The following GDPD4 variants were observed in gnomAD, a reference collection of about 807,000 sequenced individuals.
GDPD4 encodes glycerophosphodiester phosphodiesterase domain containing 4, also known as glycerophosphodiester phosphodiesterase 6.
A neutral mutation model predicts 67.8 loss-of-function variants in GDPD4; 60 were observed. That is an observed-to-expected ratio of 0.88 (90% CI 0.72 to 1.10). The LOEUF (loss-of-function observed/expected upper bound fraction) is 1.10. Ranked by LOEUF, GDPD4 falls within the 50% of genes least tolerant of loss-of-function variation. The pLI is 0.00. For synonymous variants in GDPD4, 212 were observed against 210.9 expected (o/e 1.00, Z -0.04); for missense variants, 623 against 613.9 (o/e 1.01, Z -0.16).
chr11:77,269,689 C>T (rs553213630), intron 8 of GDPD4, among the ~76,000 whole-genome samples, 194 bp downstream of exon 8: 1 of 151,596 alleles, frequency 6.6e-6, no homozygotes, highest in African/African-American at 2.4e-5. Flanking sequence ...TTTGCTTCCC[C>T]CTCTTTCCTT....
At position 77,216,570 on chromosome 11, in the gene GDPD4, T is replaced by G. The variant is rs1958124393; in HGVS notation, c.*707A>C. 3.9e-6 allele frequency: 1 copy of G among 257,342 alleles called. No homozygotes were observed. The highest frequency in any genetic ancestry group is 2.2e-5 in the African/African-American group (1 of 45,032). 15.9% of individuals were successfully genotyped at this position (257,342 alleles called of 1,614,324 possible). On this transcript the variant is annotated 3_prime_UTR_variant, in exon 17 of 17. Transcript: ENST00000315938. ...CACTACCTCTGGCTTCCTGAGAGGT[T>G]GCCTTTACTTATATGCACAGTCACT...
chr11:77,289,017 A>AGGAGG (rs907192762), intron 1 of GDPD4, among the ~76,000 whole-genome samples: 7 of 147,254 alleles, frequency 4.8e-5, no homozygotes, highest in African/African-American at 7.4e-5. Flanking sequence ...AAGAAACAGA[A>AGGAGG]GGAGGGGAGG....
At chr11:77,224,757 T>C (rs1459734479) in intron 16 of GDPD4, among the ~76,000 whole-genome samples, 2 of 152,166 alleles carry the variant, frequency 1.3e-5, no homozygotes, top group Non-Finnish European at 2.9e-5. Context: ...AATACATTTG[T>C]ATAGTGTTAA....
intron 1 of GDPD4, among the ~76,000 whole-genome samples, chr11:77,292,594 GAAT>G (rs1416205545): frequency 6.6e-6 from 1 of 151,728 alleles, no homozygotes; most frequent in Non-Finnish European, 1.5e-5. Flanking sequence ...AGAAGATTAG[GAAT>G]AATAACAATG....
intron 10 of GDPD4, among the ~76,000 whole-genome samples, chr11:77,264,476 A>G (rs1011754292): frequency 6.6e-6 from 1 of 152,156 alleles, no homozygotes; most frequent in African/African-American, 2.4e-5. Context: ...CCAGCAAAAG[A>G]AGTCACATAG....
intron 8 of GDPD4, among the ~76,000 whole-genome samples, 186 bp downstream of exon 8, chr11:77,269,693 TTTCC>T (rs1959196950): frequency 6.6e-6 from 1 of 152,172 alleles, no homozygotes; most frequent in Admixed American, 6.5e-5. Flanking sequence ...CTTCCCCCTC[TTTCC>T]TTCCCTCCCT....
chr11:77,224,693 T>TTGA (rs2135821723), intron 16 of GDPD4, among the ~76,000 whole-genome samples: 1 of 152,284 alleles, frequency 6.6e-6, no homozygotes. Context: ...GTAGCCCCAA[T>TTGA]TGATACCCTG....
intron 13 of GDPD4, among the ~76,000 whole-genome samples, chr11:77,233,415 GAAT>G (rs1958491293): frequency 3.0e-5 from 1 of 33,146 alleles, no homozygotes; most frequent in Admixed American, 4.2e-4. Flanking sequence ...GTCCTAAGGA[GAAT>G]AATAAAAAGG....
At chr11:77,295,566 G>C (rs4433591) in intron 1 of GDPD4, among the ~76,000 whole-genome samples, 52,348 of 151,800 alleles carry the variant, frequency 0.34, 9,294 homozygotes, top group Admixed American at 0.46. Flanking sequence ...GGGAGGTTGA[G>C]GCTGCAGCAA....
chr11:77,255,853 C>T (rs1036482447), intron 11 of GDPD4, among the ~76,000 whole-genome samples: 3 of 151,490 alleles, frequency 2.0e-5, no homozygotes, highest in African/African-American at 7.3e-5. Flanking sequence ...GGCTACAGAG[C>T]GAGACTCTGT....
At chr11:77,283,393 G>T (rs1337080860) in intron 3 of GDPD4, among the ~76,000 whole-genome samples, 1 of 152,138 alleles carries the variant, frequency 6.6e-6, no homozygotes, top group African/African-American at 2.4e-5. Flanking sequence ...CTGTCTTGTG[G>T]TAAGCCCCAG....
intron 1 of GDPD4, among the ~76,000 whole-genome samples, chr11:77,297,794 A>C (rs966265768): frequency 2.0e-5 from 3 of 152,206 alleles, no homozygotes; most frequent in Non-Finnish European, 4.4e-5. Context: ...AATAATTGTT[A>C]TCCATTCAGC....
chr11:77,300,836 GAAAA>G (rs534381912), intron 1 of GDPD4, among the ~76,000 whole-genome samples: 1 of 152,078 alleles, frequency 6.6e-6, no homozygotes. Flanking sequence ...ATGGAAATGA[GAAAA>G]AAACTTTCAG....
Position 77,233,031 on chromosome 11 carries a change from GAAGTGAGGGTGATC to G in GDPD4, c.1369_1382del (p.Asp457LeufsTer35), listed in dbSNP as rs1958482577. On this transcript the variant is annotated frameshift_variant, in exon 14 of 17. Coordinates refer to ENST00000315938, the MANE Select transcript of GDPD4 (RefSeq NM_182833.3). LOFTEE classifies it high-confidence loss of function. ...ATCTGGACAACCAGCTCACCATGAA[GAAGTGAGGGTGATC>G]AAGCTGACTCAGGAGCCCAATGTTG... 1 of 1,613,954 alleles carries G rather than the reference GAAGTGAGGGTGATC, an allele frequency of 6.2e-7. No individual in the cohort carries two copies. The highest frequency in any genetic ancestry group is 1.3e-5 in the African/African-American group (1 of 75,052).
intron 13 of GDPD4, among the ~76,000 whole-genome samples, chr11:77,235,022 T>TTTTTTTTTTTTTTTTTTTG (rs1958529902): frequency 7.6e-6 from 1 of 132,124 alleles, no homozygotes; most frequent in East Asian, 2.1e-4. Context: ...TTTTTTTTTT[T>TTTTTTTTTTTTTTTTTTTG]TTTTTTTTTT....
chr11:77,238,402 G>C (rs1958601675), intron 13 of GDPD4, among the ~76,000 whole-genome samples: 1 of 151,970 alleles, frequency 6.6e-6, no homozygotes, highest in Non-Finnish European at 1.5e-5. Context: ...TGGCCAACAT[G>C]ATGAAACCCC....
intron 10 of GDPD4, among the ~76,000 whole-genome samples, chr11:77,262,384 G>A (rs1036707911): frequency 1.3e-5 from 2 of 152,120 alleles, no homozygotes; most frequent in African/African-American, 2.4e-5. Context: ...AGATAAGGGG[G>A]TACTGAAGCC....
Position 77,243,706 on chromosome 11 carries a change from G to C in GDPD4, c.1229C>G (p.Pro410Arg). 6.2e-7 allele frequency: 1 copy of C among 1,612,582 alleles called. No individual in the cohort carries two copies. Among genetic ancestry groups the C allele is most frequent in the Non-Finnish European group, 8.5e-7 (1 of 1,178,654 alleles). Residue 410 changes from proline (P) to arginine (R), a missense_variant, in exon 13 of 17, where the codon CCT becomes CGT. Transcript: ENST00000315938. ...IINVDYKKLF[P>R]NGLRDYKAAN... ...GTCAAACACTTACCTTAACCCATTA[G>C]GGAACAACTTCTTGTAGTCAACATT...
At chr11:77,251,025 T>C (rs1958884394) in intron 11 of GDPD4, among the ~76,000 whole-genome samples, 1 of 152,314 alleles carries the variant, frequency 6.6e-6, no homozygotes, top group Non-Finnish European at 1.5e-5. Context: ...TCACTTTCTG[T>C]CTGTATGTGT....
Sources: gnomAD v4.1 joint callset for allele counts (sites outside exome capture counted in the v4.1 genomes callset) on GRCh38, gnomAD v4.1.1 for gene constraint, MANE v1.5 for transcripts, NCBI Gene and HGNC (gene_info 2026-07-23, HGNC 2026-07-21) for gene names.